The following OSGIN1 variants were observed in gnomAD, a reference collection of about 807,000 sequenced individuals.
OSGIN1 encodes oxidative stress induced growth inhibitor 1, also known as oxidative stress-induced growth inhibitor 1.
In OSGIN1, 19 loss-of-function variants were observed where a neutral mutation model predicts 20.1. The observed-to-expected ratio is 0.95, with a 90% CI of 0.66 to 1.39. The LOEUF is 1.39. Among genes scored for constraint, OSGIN1 ranks in the 40% most tolerant of loss-of-function variants. The pLI is 0.00. For missense variants in OSGIN1, 820 were observed against 653.0 expected (o/e 1.26, Z -2.79); for synonymous variants, 368 against 297.8 (o/e 1.24, Z -2.43).
chr16:83,958,446 T>C (rs1909046300), intron 2 of OSGIN1, among the ~76,000 whole-genome samples: 1 of 152,158 alleles, frequency 6.6e-6, no homozygotes, highest in South Asian at 2.1e-4. Flanking sequence ...ATGATTCCTG[T>C]CCTCTGTCTG....
chr16:83,962,824 A>G (rs1229257881), intron 5 of OSGIN1, among the ~76,000 whole-genome samples: 1 of 152,154 alleles, frequency 6.6e-6, no homozygotes, highest in Non-Finnish European at 1.5e-5. Context: ...TCAGGTGTGC[A>G]TTTATCTCAG....
chr16:83,964,598 G>A (rs1169989891), intron 5 of OSGIN1, among the ~76,000 whole-genome samples: 1 of 152,106 alleles, frequency 6.6e-6, no homozygotes, highest in Non-Finnish European at 1.5e-5. Flanking sequence ...GACAATCATG[G>A]TGGCCTATCC....
intron 1 of OSGIN1, chr16:83,956,979 A>G (rs1420481447): frequency 2.6e-5 from 4 of 152,262 alleles, no homozygotes; most frequent in Non-Finnish European, 5.9e-5. Context: ...CACGTCCCCA[A>G]ACCTGGCCAC....
At chr16:83,960,788 G>GT in intron 4 of OSGIN1, 28 bp downstream of exon 4, 1 of 1,606,664 alleles carries the variant, frequency 6.2e-7, no homozygotes, top group East Asian at 2.2e-5. Context: ...GGCATGGCTT[G>GT]TGGGGGGCTC....
Position 83,959,137 on chromosome 16 carries a change from A to C in OSGIN1, c.68-123A>C, listed in dbSNP as rs1909078899. 4.1e-6 allele frequency: 3 copies of C among 728,602 alleles called. No individual in the cohort carries two copies. The African/African-American group carries it at 5.3e-5, about 13-fold the overall frequency. The allele number at this position is 728,602 out of a possible 1,614,324, so 45.1% of individuals were successfully genotyped here. A position where few individuals can be genotyped will look rare whatever the true frequency, so the allele number is the denominator to read the frequency against. On this transcript the variant is annotated intron_variant, in intron 2 of 5. Transcript: ENST00000393306. ...TCTGGCACAGGCTAAGGGCTTAATA[A>C]ATATTTATTTTTATGAATGAAGGAT...
At chr16:83,959,139 T>C (rs2151076434) in intron 2 of OSGIN1, 121 bp from the exon 3 acceptor site, 1 of 729,016 alleles carries the variant, frequency 1.4e-6, no homozygotes, top group South Asian at 1.8e-5. Flanking sequence ...GCTTAATAAA[T>C]ATTTATTTTT....
rs141965121 is a variant in OSGIN1, at chr16:83,957,710, C to T, written c.39C>T (p.Ser13=). ...GAAAGGACCACCTCGGCGCCAGCAG[C>T]TCAGAGCCCCTCCCGGTCATCATTG... The part of the protein sequence containing the change: ...SSRKDHLGAS[S]SEPLPVIIVG... The change falls in exon 2 of 6, where the codon AGC becomes AGT. Residue 13 remains serine, a synonymous_variant. Transcript: ENST00000393306. 6.9e-6 allele frequency: 11 copies of T among 1,603,556 alleles called. No individual in the cohort carries two copies. The highest frequency in any genetic ancestry group is 9.4e-6 in the Non-Finnish European group (11 of 1,174,606).
intron 5 of OSGIN1, 37 bp from the exon 6 acceptor site, chr16:83,965,025 A>T (rs750466089): frequency 6.5e-6 from 8 of 1,230,936 alleles, no homozygotes; most frequent in Non-Finnish European, 9.2e-6. Flanking sequence ...AACCCCTAAC[A>T]GTGTCTGACT....
rs758444757 is a variant in OSGIN1, at chr16:83,965,866, C to T, written c.1293C>T (p.Pro431=). The T allele has an allele frequency of 1.9e-6, 3 of 1,612,982 alleles. No individual in the cohort carries two copies. In the South Asian group the frequency reaches 3.3e-5, roughly 18 times the overall value. Residue 431 remains proline (P), a synonymous_variant, in exon 6 of 6, where the codon CCC becomes CCT. Transcript: ENST00000393306. ...AGAGGAACCCCATTGACGTGGACCCCTTCACCTACCAGAGCACCCGCCAGG... is the reference window on the plus strand; with the variant it reads ...AGAGGAACCCCATTGACGTGGACCCTTTCACCTACCAGAGCACCCGCCAGG... ...SAKRNPIDVD[P]FTYQSTRQEG... is the part of the protein sequence containing the mutation.
intron 2 of OSGIN1, among the ~76,000 whole-genome samples, chr16:83,958,717 C>T (rs1909059672): frequency 6.6e-6 from 1 of 152,216 alleles, no homozygotes; most frequent in Admixed American, 6.5e-5. Flanking sequence ...TTCAGACGTG[C>T]AAGCAGCAGA....
chr16:83,962,205 G>C (rs2084223417), intron 5 of OSGIN1, among the ~76,000 whole-genome samples: 1 of 152,020 alleles, frequency 6.6e-6, no homozygotes, highest in African/African-American at 2.4e-5. Context: ...GAATATTTGA[G>C]ATGGGTCTCA....
chr16:83,955,383 C>T (rs1187809464), intron 1 of OSGIN1, among the ~76,000 whole-genome samples: 2 of 152,162 alleles, frequency 1.3e-5, no homozygotes, highest in Non-Finnish European at 2.9e-5. Context: ...GTGGGGGACC[C>T]TGGAACGGAC....
intron 5 of OSGIN1, among the ~76,000 whole-genome samples, chr16:83,962,305 C>T (rs1185724288): frequency 6.6e-6 from 1 of 152,212 alleles, no homozygotes; most frequent in Admixed American, 6.5e-5. Context: ...GTGGCGCGAT[C>T]TCAGCTCACT....
chr16:83,954,755 T>C, intron 1 of OSGIN1: 1 of 985,002 alleles, frequency 1.0e-6, no homozygotes, highest in African/African-American at 1.7e-5. Flanking sequence ...AAAGCCCTGG[T>C]GGTAAACCAG....
chr16:83,957,662 C>T lies in OSGIN1; in HGVS notation c.-10C>T. On this transcript the variant is annotated 5_prime_UTR_variant, in exon 2 of 6. Transcript: ENST00000393306. ...CAGGTCCGCTGCCAGCCCCAAGCCC[C>T]CCACCAGCCATGAGCTCCTCCAGAA... The T allele has an allele frequency of 6.3e-7, 1 of 1,599,970 alleles. No individual in the cohort carries two copies. The highest frequency in any genetic ancestry group is 8.5e-7 in the Non-Finnish European group (1 of 1,172,176).
rs1356186944 is a variant in OSGIN1, at chr16:83,960,750, G to T, written c.386G>T (p.Gly129Val). 6.2e-7 allele frequency: 1 copy of T among 1,612,974 alleles called. No homozygotes were observed. Among genetic ancestry groups the T allele is most frequent in the East Asian group, 2.2e-5 (1 of 44,888 alleles). Residue 129 changes from glycine (G) to valine (V), a missense_variant, in exon 4 of 6, where the codon GGA becomes GTA. By Grantham distance (109) the Gly-to-Val change is moderately radical. Coordinates refer to ENST00000393306, the MANE Select transcript of OSGIN1 (RefSeq NM_182981.3). ...HVVLGRNLPG[G>V]AWHSIEGSMV... ...GTTCTGGGCCGGAACCTCCCCGGGG[G>T]AGCCTGGCACGTGAGTGGGGCAGCG...
In OSGIN1 at chr16:83,965,451, C is replaced by T. The variant is rs141102431; in HGVS notation, c.878C>T (p.Ala293Val). The T allele has an allele frequency of 1.9e-5, 30 of 1,597,586 alleles. No homozygotes were observed. Among genetic ancestry groups the T allele is most frequent in the African/African-American group, 5.3e-5 (4 of 74,826 alleles). Residue 293 changes from alanine (A) to valine (V), a missense_variant, in exon 6 of 6, where the codon GCG becomes GTG. By Grantham distance (64) the Ala-to-Val change is moderately conservative. Transcript: ENST00000393306. The part of the protein sequence containing the change: ...PASDPVLIIG[A>V]GLSAADAVLY... Reference sequence around the variant, plus strand: ...TCAGACCCTGTCCTCATCATTGGCGCGGGGCTGTCAGCGGCCGACGCGGTC... The same window carrying T: ...TCAGACCCTGTCCTCATCATTGGCGTGGGGCTGTCAGCGGCCGACGCGGTC...
At chr16:83,956,815 C>T (rs1009488565) in intron 1 of OSGIN1, among the ~76,000 whole-genome samples, 8 of 152,210 alleles carry the variant, frequency 5.3e-5, no homozygotes, top group Admixed American at 6.5e-5. Context: ...TCGGGTGAGG[C>T]TGGTGTCCGC....
chr16:83,959,536 C>G, intron 3 of OSGIN1, 140 bp downstream of exon 3: 2 of 827,744 alleles, frequency 2.4e-6, no homozygotes, highest in Non-Finnish European at 3.7e-6. Context: ...ACAAAGTCAG[C>G]CACGGAGATC....
Sources: gnomAD v4.1 joint callset for allele counts (sites outside exome capture counted in the v4.1 genomes callset) on GRCh38, gnomAD v4.1.1 for gene constraint, MANE v1.5 for transcripts, NCBI Gene and HGNC (gene_info 2026-07-23, HGNC 2026-07-21) for gene names.